The following SLC2A9 variants were observed in gnomAD, a reference collection of about 807,000 sequenced individuals.
SLC2A9 encodes the protein solute carrier family 2 member 9, also known as solute carrier family 2, facilitated glucose transporter member 9.
Under a neutral mutation model 50.6 loss-of-function variants are expected in SLC2A9, and 39 were observed. The ratio of observed to expected loss-of-function variants is 0.77; its 90% CI spans 0.60 to 1.01. The LOEUF is 1.01. Ranked by LOEUF, SLC2A9 falls within the 50% of genes least tolerant of loss-of-function variation. The pLI, the probability that SLC2A9 is intolerant of heterozygous loss-of-function variation, is 0.00. For synonymous variants in SLC2A9, 324 were observed against 276.9 expected (o/e 1.17, Z -1.69); for missense variants, 686 against 677.6 (o/e 1.01, Z -0.14).
intron 5 of SLC2A9, among the ~76,000 whole-genome samples, chr4:9,953,199 T>G (rs1421759359): frequency 4.0e-5 from 6 of 148,396 alleles, no homozygotes; most frequent in African/African-American, 1.5e-4. Context: ...TGTGCTGTTT[T>G]CCAAATACCC....
intron 8 of SLC2A9, among the ~76,000 whole-genome samples, chr4:9,906,578 A>C (rs550947888): frequency 2.0e-5 from 3 of 152,248 alleles, no homozygotes; most frequent in Non-Finnish European, 2.9e-5. Flanking sequence ...ATAGAAAGAC[A>C]AGGGAAGAAT....
chr4:9,773,860 G>A (rs1717167553), intron 1 of SLC2A9, among the ~76,000 whole-genome samples: 2 of 152,284 alleles, frequency 1.3e-5, no homozygotes, highest in South Asian at 2.1e-4. Flanking sequence ...CAGACAAGCA[G>A]CTCATGGAGC....
At chr4:9,782,984 G>A (rs769554610) in intron 3 of SLC2A9, 1 of 1,614,150 alleles carries the variant, frequency 6.2e-7, no homozygotes. Context: ...TAACTGCATG[G>A]TCCCTTTCTG....
At chr4:10,003,672 T>G (rs1367363892) in intron 2 of SLC2A9, among the ~76,000 whole-genome samples, 2 of 152,186 alleles carry the variant, frequency 1.3e-5, no homozygotes, top group African/African-American at 4.8e-5. Flanking sequence ...GTGATGAAGT[T>G]TGCTCAGAGA....
intron 5 of SLC2A9, among the ~76,000 whole-genome samples, chr4:9,975,614 G>A (rs1329752374): frequency 1.3e-5 from 2 of 152,178 alleles, no homozygotes; most frequent in Non-Finnish European, 2.9e-5. Flanking sequence ...AGATGCTAAT[G>A]AGGCTGCAGA....
intron 10 of SLC2A9, among the ~76,000 whole-genome samples, chr4:9,868,347 T>C (rs2109467580): frequency 6.6e-6 from 1 of 152,310 alleles, no homozygotes; most frequent in South Asian, 2.1e-4. Context: ...GCTGTTCCCA[T>C]AAACTCCCTT....
At chr4:9,836,185 C>T (rs944650569) in intron 10 of SLC2A9, among the ~76,000 whole-genome samples, 2 of 147,340 alleles carry the variant, frequency 1.4e-5, no homozygotes, top group Non-Finnish European at 3.0e-5. Flanking sequence ...TAAAACACTA[C>T]AAATTGGGTG....
At chr4:9,951,571 A>G (rs537953731) in intron 5 of SLC2A9, among the ~76,000 whole-genome samples, 10 of 152,324 alleles carry the variant, frequency 6.6e-5, no homozygotes, top group Non-Finnish European at 1.5e-4. Context: ...TATCCCACTT[A>G]GGAAGGCTTG....
intron 7 of SLC2A9, among the ~76,000 whole-genome samples, chr4:9,919,717 T>C (rs1743550665): frequency 6.6e-6 from 1 of 152,322 alleles, no homozygotes; most frequent in South Asian, 2.1e-4. Context: ...GCCAGCCTAT[T>C]TGCACACTTC....
intron 3 of SLC2A9, among the ~76,000 whole-genome samples, chr4:9,808,908 G>T (rs560386268): frequency 2.0e-5 from 3 of 152,198 alleles, no homozygotes; most frequent in Admixed American, 2.0e-4. Context: ...AATGACTCTG[G>T]CTTGGACTGT....
intron 6 of SLC2A9, among the ~76,000 whole-genome samples, chr4:9,927,688 T>C (rs564390418): frequency 7.2e-5 from 11 of 152,340 alleles, no homozygotes; most frequent in Admixed American, 3.9e-4. Flanking sequence ...CCGACAGCAG[T>C]TGGATCCAAG....
intron 3 of SLC2A9, among the ~76,000 whole-genome samples, chr4:9,988,568 T>TA (rs1266477524): frequency 6.6e-6 from 1 of 152,230 alleles, no homozygotes. Flanking sequence ...AGCAGGACTT[T>TA]AATCATTGTT....
intron 10 of SLC2A9, among the ~76,000 whole-genome samples, chr4:9,866,214 A>T (rs1732439541): frequency 1.3e-5 from 2 of 151,742 alleles, no homozygotes; most frequent in African/African-American, 4.8e-5. Context: ...CTATTGTATT[A>T]TTATTATACC....
At chr4:9,812,158 G>C (rs1219624547) in intron 3 of SLC2A9, among the ~76,000 whole-genome samples, 1 of 152,194 alleles carries the variant, frequency 6.6e-6, no homozygotes, top group Non-Finnish European at 1.5e-5. Context: ...TTGGCCTGGT[G>C]ATTTTCAGCA....
chr4:9,856,152 G>T (rs1055676564), intron 10 of SLC2A9, among the ~76,000 whole-genome samples: 2 of 152,104 alleles, frequency 1.3e-5, no homozygotes, highest in Admixed American at 1.3e-4. Flanking sequence ...CACAGCAAAA[G>T]AAACTATAAA....
intron 8 of SLC2A9, among the ~76,000 whole-genome samples, chr4:9,903,156 A>AG (rs1422893711): frequency 6.6e-6 from 1 of 152,094 alleles, no homozygotes; most frequent in Non-Finnish European, 1.5e-5. Context: ...CACGGGCTGG[A>AG]TCCAGTGTCC....
At chr4:9,944,274 G>A (rs1748717563) in intron 5 of SLC2A9, among the ~76,000 whole-genome samples, 1 of 152,198 alleles carries the variant, frequency 6.6e-6, no homozygotes, top group Admixed American at 6.5e-5. Context: ...TCTTGGACTT[G>A]GCTTGAGGAC....
At chr4:9,999,879 T>C (rs1375379530) in intron 2 of SLC2A9, among the ~76,000 whole-genome samples, 1 of 152,148 alleles carries the variant, frequency 6.6e-6, no homozygotes, top group African/African-American at 2.4e-5. Flanking sequence ...CACTAAGCAA[T>C]GGAAATGGAC....
chr4:9,836,160 GA>G (rs1230904703), intron 10 of SLC2A9, among the ~76,000 whole-genome samples: 1 of 150,886 alleles, frequency 6.6e-6, no homozygotes, highest in Non-Finnish European at 1.5e-5. Flanking sequence ...GAAAGGGTGG[GA>G]GGGGGGTGAG....
Sources: allele counts gnomAD v4.1 joint callset (sites outside exome capture counted in the v4.1 genomes callset), GRCh38; gene constraint gnomAD v4.1.1; transcripts MANE v1.5; gene names NCBI Gene and HGNC (gene_info 2026-07-23, HGNC 2026-07-21).